The following NREP variants were observed in gnomAD, a reference collection of about 807,000 sequenced individuals.
NREP encodes the protein neuronal regeneration related protein, also known as neuronal regeneration-related protein.
In NREP, 5 loss-of-function variants were observed where a neutral mutation model predicts 8.6. That is an observed-to-expected ratio of 0.58 (90% CI 0.30 to 1.22). The LOEUF (loss-of-function observed/expected upper bound fraction) is 1.22. Among genes scored for constraint, NREP ranks in the 50% most tolerant of loss-of-function variants. NREP has a pLI of 0.07. For synonymous variants in NREP, 27 were observed against 28.0 expected (o/e 0.96, Z 0.11); for missense variants, 86 against 82.5 (o/e 1.04, Z -0.17).
chr5:111,761,028 G>T (rs1024692552), upstream of NREP, among the ~76,000 whole-genome samples: 1 of 152,170 alleles, frequency 6.6e-6, no homozygotes, highest in African/African-American at 2.4e-5. Flanking sequence ...CAGGTGAAAG[G>T]TTAGTAGAAA....
intron 2 of NREP, among the ~76,000 whole-genome samples, chr5:111,934,122 T>G (rs1184765203): frequency 1.1e-4 from 17 of 151,996 alleles, no homozygotes; most frequent in Admixed American, 1.1e-3. Context: ...GTGGCTTGCT[T>G]TGGTGTCTTA....
intron 2 of NREP, among the ~76,000 whole-genome samples, chr5:111,927,545 C>A (rs186111507): frequency 6.6e-6 from 1 of 152,232 alleles, no homozygotes; most frequent in Non-Finnish European, 1.5e-5. Context: ...CTAAGTGATG[C>A]AAAAACTACC....
chr5:111,866,272 C>T (rs1310593723), intron 2 of NREP, among the ~76,000 whole-genome samples: 1 of 151,912 alleles, frequency 6.6e-6, no homozygotes, highest in Middle Eastern at 3.2e-3. Flanking sequence ...GGCTAATATC[C>T]ACAATCTACA....
intron 2 of NREP, among the ~76,000 whole-genome samples, chr5:111,801,035 C>A (rs1000837918): frequency 2.0e-5 from 3 of 152,162 alleles, no homozygotes; most frequent in African/African-American, 7.2e-5. Flanking sequence ...TTTGGAGCAA[C>A]TCCCTGAAGA....
chr5:111,850,289 A>G (rs1753277210), intron 2 of NREP, among the ~76,000 whole-genome samples: 1 of 152,088 alleles, frequency 6.6e-6, no homozygotes, highest in Non-Finnish European at 1.5e-5. Context: ...GTGTGATTCA[A>G]GGCTCTGTTC....
intron 2 of NREP, among the ~76,000 whole-genome samples, chr5:111,833,272 G>A (rs1032276613): frequency 1.3e-5 from 2 of 152,124 alleles, no homozygotes; most frequent in Admixed American, 1.3e-4. Flanking sequence ...TGCACCCTCA[G>A]GACAGTTTAT....
chr5:111,915,237 C>G (rs1489998950), intron 2 of NREP, among the ~76,000 whole-genome samples: 1 of 152,086 alleles, frequency 6.6e-6, no homozygotes, highest in Non-Finnish European at 1.5e-5. Context: ...CAATGAAAGT[C>G]CAGTGTTCTG....
chr5:111,825,683 C>G (rs550338108), intron 2 of NREP, among the ~76,000 whole-genome samples: 1 of 152,162 alleles, frequency 6.6e-6, no homozygotes, highest in African/African-American at 2.4e-5. Context: ...ATGAACTACT[C>G]TAATAAAACC....
intron 2 of NREP, among the ~76,000 whole-genome samples, chr5:111,833,307 G>C (rs1417680894): frequency 6.6e-6 from 1 of 152,158 alleles, no homozygotes; most frequent in East Asian, 1.9e-4. Flanking sequence ...TATTCCATGA[G>C]AAAAGCCAAT....
At chr5:111,740,671 G>A (rs1749569519) in intron 2 of NREP, among the ~76,000 whole-genome samples, 1 of 152,206 alleles carries the variant, frequency 6.6e-6, no homozygotes, top group African/African-American at 2.4e-5. Flanking sequence ...TAAAAAATAT[G>A]CAAACTAGAT....
At chr5:111,855,114 C>T (rs1322686081) in intron 2 of NREP, among the ~76,000 whole-genome samples, 2 of 152,072 alleles carry the variant, frequency 1.3e-5, no homozygotes, top group African/African-American at 4.8e-5. Flanking sequence ...TTAATTACTT[C>T]AATTTAATAG....
intron 2 of NREP, among the ~76,000 whole-genome samples, chr5:111,795,718 T>C (rs992440874): frequency 1.4e-4 from 21 of 152,320 alleles, no homozygotes; most frequent in Middle Eastern, 3.4e-3. Context: ...AGTTAGCTAA[T>C]CTTTCTAGGG....
intron 2 of NREP, among the ~76,000 whole-genome samples, chr5:111,895,589 G>C (rs1438945526): frequency 1.3e-5 from 2 of 152,110 alleles, no homozygotes; most frequent in Non-Finnish European, 2.9e-5. Context: ...GCAGGGATAA[G>C]AGAGTTATCT....
chr5:111,881,776 T>A (rs1190199484), intron 2 of NREP, among the ~76,000 whole-genome samples: 1 of 152,184 alleles, frequency 6.6e-6, no homozygotes, highest in Non-Finnish European at 1.5e-5. Flanking sequence ...GGGTCCTGTC[T>A]GTTAGAAGGA....
chr5:111,860,141 C>T (rs1266565678), intron 2 of NREP, among the ~76,000 whole-genome samples: 2 of 152,102 alleles, frequency 1.3e-5, no homozygotes, highest in Non-Finnish European at 2.9e-5. Context: ...TTATACTGAA[C>T]TCAGGGATTA....
chr5:111,767,847 T>C (rs1751122242), intron 2 of NREP, among the ~76,000 whole-genome samples: 2 of 152,046 alleles, frequency 1.3e-5, no homozygotes, highest in Admixed American at 1.3e-4. Flanking sequence ...TTAATTTTTT[T>C]AAATATGGGG....
intron 2 of NREP, among the ~76,000 whole-genome samples, chr5:111,763,601 A>G (rs183629511): frequency 6.6e-6 from 1 of 152,368 alleles, no homozygotes; most frequent in Non-Finnish European, 1.5e-5. Context: ...CCTACCACGC[A>G]AAACAGACCA....
chr5:111,865,680 A>T (rs1271273583), intron 2 of NREP, among the ~76,000 whole-genome samples: 1 of 152,172 alleles, frequency 6.6e-6, no homozygotes, highest in African/African-American at 2.4e-5. Flanking sequence ...GCTATTTGTC[A>T]TCAGAGTTCC....
chr5:111,752,027 G>A (rs1240874166), intron 2 of NREP, among the ~76,000 whole-genome samples: 2 of 152,118 alleles, frequency 1.3e-5, no homozygotes, highest in Non-Finnish European at 2.9e-5. Flanking sequence ...ATTCATTAAT[G>A]GCCAAGTATA....
Sources: allele counts gnomAD v4.1 joint callset (sites outside exome capture counted in the v4.1 genomes callset), GRCh38; gene constraint gnomAD v4.1.1; transcripts MANE v1.5; gene names NCBI Gene and HGNC (gene_info 2026-07-23, HGNC 2026-07-21).